Variants in AFG2A observed in about 807,000 individuals in gnomAD.
AFG2A encodes the protein AAA ATPase AFG2A.
the AFG2A span, among the ~76,000 whole-genome samples, chr4:123,152,250 A>G: frequency 2.0e-5 from 3 of 152,114 alleles, no homozygotes; most frequent in Admixed American, 2.0e-4. Context: ...CTGCACACCT[A>G]TGTAACAAAC....
the AFG2A span, among the ~76,000 whole-genome samples, chr4:123,051,913 T>C: frequency 2.0e-5 from 3 of 152,104 alleles, no homozygotes; most frequent in Non-Finnish European, 4.4e-5. Flanking sequence ...TCTTGGGTTG[T>C]TTCTTATTTT....
chr4:123,124,741 A>G, the AFG2A span, among the ~76,000 whole-genome samples: 2 of 152,222 alleles, frequency 1.3e-5, no homozygotes, highest in African/African-American at 4.8e-5. Context: ...TTTCTTTATT[A>G]TGAAGTTTTT....
chr4:123,062,361 A>T, the AFG2A span, among the ~76,000 whole-genome samples: 1 of 152,222 alleles, frequency 6.6e-6, no homozygotes, highest in Non-Finnish European at 1.5e-5. Flanking sequence ...GCTAGATAGT[A>T]TAACAATCAT....
chr4:123,103,399 A>T, the AFG2A span, among the ~76,000 whole-genome samples: 2 of 152,120 alleles, frequency 1.3e-5, no homozygotes, highest in Non-Finnish European at 2.9e-5. Flanking sequence ...TTTACATATG[A>T]TGTCTAGTTA....
At chr4:123,020,206 T>C in the AFG2A span, among the ~76,000 whole-genome samples, 1 of 150,104 alleles carries the variant, frequency 6.7e-6, no homozygotes, top group Non-Finnish European at 1.5e-5. Context: ...CACACACACA[T>C]GCACACAGAC....
the AFG2A span, among the ~76,000 whole-genome samples, chr4:123,298,104 C>T: frequency 9.8e-5 from 6 of 60,960 alleles, no homozygotes; most frequent in Admixed American, 3.7e-4. Context: ...TGCATGCGTG[C>T]ATACACATAC....
chr4:122,987,825 T>C, the AFG2A span, among the ~76,000 whole-genome samples: 1 of 152,214 alleles, frequency 6.6e-6, no homozygotes, highest in Non-Finnish European at 1.5e-5. Flanking sequence ...CTTTTACACT[T>C]GTAGCTAAAA....
the AFG2A span, among the ~76,000 whole-genome samples, chr4:123,068,502 T>A: frequency 6.6e-6 from 1 of 152,162 alleles, no homozygotes; most frequent in Non-Finnish European, 1.5e-5. Flanking sequence ...AATAAAACAT[T>A]TCTAAATATG....
the AFG2A span, among the ~76,000 whole-genome samples, chr4:122,969,858 A>G: frequency 1.3e-5 from 2 of 152,188 alleles, no homozygotes; most frequent in African/African-American, 2.4e-5. Flanking sequence ...GGCATTTTGT[A>G]AAGTTTCACT....
At chr4:123,147,806 T>A in the AFG2A span, among the ~76,000 whole-genome samples, 1 of 152,178 alleles carries the variant, frequency 6.6e-6, no homozygotes, top group African/African-American at 2.4e-5. Flanking sequence ...TTAATTATAT[T>A]TTCCAAAAAT....
At chr4:123,123,873 A>AC in the AFG2A span, among the ~76,000 whole-genome samples, 1 of 143,252 alleles carries the variant, frequency 7.0e-6, no homozygotes, top group Non-Finnish European at 1.5e-5. Context: ...AATGGCGTGA[A>AC]CCCGGGAGGC....
chr4:123,027,831 A>G, the AFG2A span, among the ~76,000 whole-genome samples: 9 of 152,224 alleles, frequency 5.9e-5, no homozygotes, highest in Non-Finnish European at 1.2e-4. Flanking sequence ...AATTAGATAT[A>G]TAGATGAGAC....
the AFG2A span, chr4:122,934,852 A>G: frequency 7.6e-7 from 1 of 1,311,796 alleles, no homozygotes; most frequent in African/African-American, 1.5e-5. Flanking sequence ...TCTGAGTAGT[A>G]GGTATGGTAG....
the AFG2A span, among the ~76,000 whole-genome samples, chr4:123,084,612 G>GTA: frequency 9.4e-5 from 14 of 148,834 alleles, no homozygotes; most frequent in African/African-American, 3.0e-4. Flanking sequence ...GTGTGTGTGT[G>GTA]TGTATATATA....
At chr4:122,964,888 A>G in the AFG2A span, among the ~76,000 whole-genome samples, 13 of 152,322 alleles carry the variant, frequency 8.5e-5, no homozygotes, top group East Asian at 2.1e-3. Flanking sequence ...AAACTTTCCT[A>G]GTGGTACAGC....
chr4:123,179,082 T>C, the AFG2A span, among the ~76,000 whole-genome samples: 1 of 152,180 alleles, frequency 6.6e-6, no homozygotes, highest in Non-Finnish European at 1.5e-5. Context: ...CCTACACTCT[T>C]GGGTCCAGGG....
At chr4:123,132,932 C>G in the AFG2A span, among the ~76,000 whole-genome samples, 3 of 151,976 alleles carry the variant, frequency 2.0e-5, no homozygotes, top group African/African-American at 7.2e-5. Context: ...AGGCGCCCAC[C>G]ACCACGCCCG....
the AFG2A span, among the ~76,000 whole-genome samples, chr4:123,195,331 A>G: frequency 6.6e-6 from 1 of 152,218 alleles, no homozygotes; most frequent in Non-Finnish European, 1.5e-5. Context: ...ATATATACCA[A>G]AATGTATTAC....
chr4:123,083,228 A>C, the AFG2A span, among the ~76,000 whole-genome samples: 6 of 152,140 alleles, frequency 3.9e-5, no homozygotes, highest in Non-Finnish European at 8.8e-5. Context: ...AAAAGCTTCT[A>C]ATTTCTCACC....
Sources: allele counts gnomAD v4.1 joint callset (sites outside exome capture counted in the v4.1 genomes callset), GRCh38; gene constraint gnomAD v4.1.1; transcripts MANE v1.5; gene names NCBI Gene and HGNC (gene_info 2026-07-23, HGNC 2026-07-21).